The following CELSR1 variants were observed in gnomAD, a reference collection of about 807,000 sequenced individuals.
The protein encoded by CELSR1 is cadherin EGF LAG seven-pass G-type receptor 1.
Under a neutral mutation model 249.1 loss-of-function variants are expected in CELSR1, and 110 were observed. The observed-to-expected ratio is 0.44, with a 90% CI of 0.38 to 0.52. The LOEUF (loss-of-function observed/expected upper bound fraction) is 0.52, where lower values mean the gene tolerates loss of function less well. Among genes scored for constraint, CELSR1 ranks in the 20% least tolerant of loss-of-function variants. CELSR1 has a pLI of 0.00. For synonymous variants in CELSR1, 2,113 were observed against 1,900.0 expected (o/e 1.11, Z -2.92); for missense variants, 4,109 against 4,296.4 (o/e 0.96, Z 1.22).
Position 46,448,563 on chromosome 22 carries a change from A to G in CELSR1, c.4184-9152T>C, listed in dbSNP as rs2079847110. 1 of 441,588 alleles carries G rather than the reference A, an allele frequency of 2.3e-6. No individual in the cohort carries two copies. Among genetic ancestry groups the G allele is most frequent in the Middle Eastern group, 3.3e-4 (1 of 3,000 alleles). 27.4% of individuals were successfully genotyped at this position (441,588 alleles called of 1,614,324 possible). On this transcript the variant is annotated intron_variant, in intron 2 of 34. Coordinates refer to ENST00000674500, the MANE Select transcript of CELSR1 (RefSeq NM_001378328.1). The surrounding 1 kb of genome is among the most constrained non-coding windows in gnomAD (Gnocchi z 5.7). ...AAGACAATTCCTTTCTGGTCCTAAG[A>G]AACAGCTAAGAGCTTTGAACTAGAA...
At chr22:46,459,103 T>C (rs1322740923) in intron 2 of CELSR1, among the ~76,000 whole-genome samples, 2 of 152,138 alleles carry the variant, frequency 1.3e-5, no homozygotes, top group South Asian at 2.1e-4. Flanking sequence ...TTGGCCAGGA[T>C]GGTCTCAATC....
rs528025271 is a variant in CELSR1 at position 46,481,387 on chromosome 22, A to C, written c.3545-17042T>G. On this transcript the variant is annotated intron_variant, in intron 1 of 34. Coordinates refer to ENST00000674500, the MANE Select transcript of CELSR1 (RefSeq NM_001378328.1). ...CTCGGTCATAGTTGGGAGCAGGTGC[A>C]TGTGGTCATCCACACACTTGGTCAC... The C allele has an allele frequency of 3.9e-4, 402 of 1,042,960 alleles. 1 individual carries two copies. The Middle Eastern group carries it at 6.2e-3, about 16-fold the overall frequency. 64.6% of individuals were successfully genotyped at this position (1,042,960 alleles called of 1,614,324 possible). A position where few individuals can be genotyped will look rare whatever the true frequency, so the allele number is the denominator to read the frequency against.
In CELSR1 at chr22:46,441,886, C is replaced by T. The variant is rs1329698881; in HGVS notation, c.4184-2475G>A. ...AAAATAAAGAGATCACGGTGGCTCA[C>T]GCCTGTAACCCCAGCACTTGGGGAG... On this transcript the variant is annotated intron_variant, in intron 2 of 34. Transcript: ENST00000674500. The surrounding 1 kb of genome is among the most constrained non-coding windows in gnomAD (Gnocchi z 6.1). 6.6e-6 allele frequency among the ~76,000 whole-genome samples: 1 copy of T among 152,220 alleles called. No homozygotes were observed. Among genetic ancestry groups the T allele is most frequent in the Non-Finnish European group, 1.5e-5 (1 of 68,050 alleles).
rs1354153982 is a variant in CELSR1 at position 46,512,142 on chromosome 22, C to T, written c.3544+21485G>A. ...CTCAGTGTGGCAAACACAGCAGCAG[C>T]AAGAGTGACGGCGGCGCTCATAAGC... On this transcript the variant is annotated intron_variant, in intron 1 of 34. Transcript: ENST00000674500. The surrounding 1 kb of genome is among the most constrained non-coding windows in gnomAD (Gnocchi z 5.2). 2.0e-5 allele frequency among the ~76,000 whole-genome samples: 3 copies of T among 152,218 alleles called. No individual in the cohort carries two copies. Among genetic ancestry groups the T allele is most frequent in the African/African-American group, 7.2e-5 (3 of 41,454 alleles).
rs2080163282 is a variant in CELSR1, at chr22:46,472,252, A to T, written c.3545-7907T>A. 6.6e-6 allele frequency among the ~76,000 whole-genome samples: 1 copy of T among 152,196 alleles called. No homozygotes were observed. The highest frequency in any genetic ancestry group is 2.4e-5 in the African/African-American group (1 of 41,462). ...ATGGGAAGGAACTTTCTGGGTCTTCATGGAGGTTGGGACCTGTCCAGTCCC... is the reference window on the plus strand; with the variant it reads ...ATGGGAAGGAACTTTCTGGGTCTTCTTGGAGGTTGGGACCTGTCCAGTCCC... On this transcript the variant is annotated intron_variant, in intron 1 of 34. Transcript: ENST00000674500. The surrounding 1 kb of genome is among the most constrained non-coding windows in gnomAD (Gnocchi z 7.0).
At chr22:46,509,340 T>A (rs2080548824) in intron 1 of CELSR1, among the ~76,000 whole-genome samples, 1 of 151,734 alleles carries the variant, frequency 6.6e-6, no homozygotes, top group South Asian at 2.1e-4. Flanking sequence ...GCAGAGGGGG[T>A]GATGGGTACC....
rs916029307 is a variant in CELSR1 at position 46,411,315 on chromosome 22, C to A, written c.4769+287G>T. Among the ~76,000 whole-genome samples the A allele has an allele frequency of 6.6e-6, 1 of 152,180 alleles. No homozygotes were observed. ...GTACCAGAATTTGCGGGGACAAAGC[C>A]AGTGATCCGTGGAGATGGGGCTGGA... is the stretch of plus-strand genomic sequence containing the variant. On this transcript the variant is annotated intron_variant, in intron 6 of 34. Transcript: ENST00000674500. This position sits in a 1 kb window ranked among gnomAD's most constrained non-coding sequence, Gnocchi z 4.2.
chr22:46,368,006 C>G, intron 27 of CELSR1, 151 bp from the exon 28 acceptor site: 1 of 1,117,474 alleles, frequency 8.9e-7, no homozygotes, highest in Non-Finnish European at 1.3e-6. Context: ...CACCTTGCTC[C>G]CTTCCTCCCC....
intron 32 of CELSR1, 75 bp from the exon 33 acceptor site, chr22:46,364,811 G>A (rs2078748801): frequency 7.1e-7 from 1 of 1,410,612 alleles, no homozygotes; most frequent in Non-Finnish European, 9.6e-7. Flanking sequence ...CATGGGTCTG[G>A]TGGCTCTGAC....
chr22:46,384,799 T>C (rs768610055), intron 19 of CELSR1, 113 bp from the exon 20 acceptor site: 1 of 1,223,580 alleles, frequency 8.2e-7, no homozygotes, highest in Non-Finnish European at 1.1e-6. Flanking sequence ...TATTTATTTA[T>C]TTATTTTTGA....
chr22:46,363,907 T>A lies in CELSR1; in HGVS notation c.9035+89A>T, dbSNP rs546005243. 1.4e-6 allele frequency: 2 copies of A among 1,429,442 alleles called. No homozygotes were observed. The highest frequency in any genetic ancestry group is 5.1e-5 in the East Asian group (2 of 39,338). 88.5% of individuals were successfully genotyped at this position (1,429,442 alleles called of 1,614,324 possible). A position where few individuals can be genotyped will look rare whatever the true frequency, so the allele number is the denominator to read the frequency against. ...CTCAGGGCTCCAGGTGAGGTGGGTG[T>A]CAGGTCCCTGACCACTGCCCCCTCT... On this transcript the variant is annotated intron_variant, in intron 34 of 34. Transcript: ENST00000674500. This position sits in a 1 kb window ranked among gnomAD's most constrained non-coding sequence, Gnocchi z 4.3.
At chr22:46,451,195 G>T (rs2079880080) in intron 2 of CELSR1, among the ~76,000 whole-genome samples, 1 of 152,046 alleles carries the variant, frequency 6.6e-6, no homozygotes, top group Admixed American at 6.5e-5. Flanking sequence ...CCTACAGGCG[G>T]CCCAGCCCTG....
intron 1 of CELSR1, among the ~76,000 whole-genome samples, chr22:46,509,239 A>G (rs2147760609): frequency 6.6e-6 from 1 of 152,262 alleles, no homozygotes; most frequent in South Asian, 2.1e-4. Flanking sequence ...GGGGGTGCAG[A>G]CCTGCAAAGC....
rs200966660 is a variant in CELSR1, at chr22:46,486,547, C to CA, written c.3545-22203dup. 7.8e-3 allele frequency among the ~76,000 whole-genome samples: 1,124 copies of CA among 144,258 alleles called. 8 individuals carry two copies. Among genetic ancestry groups the CA allele is most frequent in the Non-Finnish European group, 0.011 (719 of 66,080 alleles). 94.6% of individuals were successfully genotyped at this position (144,258 alleles called of 152,430 possible). On this transcript the variant is annotated intron_variant, in intron 1 of 34. Coordinates refer to ENST00000674500, the MANE Select transcript of CELSR1 (RefSeq NM_001378328.1). The stretch of plus-strand genomic sequence containing the variant: ...TGGGCGACAGACTGAGACTCTGTCT[C>CA]AAAAAAAAATAAAGGCTGGACGCAG...
At chr22:46,379,072 G>A (rs2078949756) in intron 22 of CELSR1, among the ~76,000 whole-genome samples, 1 of 152,226 alleles carries the variant, frequency 6.6e-6, no homozygotes, top group Non-Finnish European at 1.5e-5. Flanking sequence ...ACTCAAATGG[G>A]GCTGTCTCGC....
Position 46,433,454 on chromosome 22 carries a change from T to G in CELSR1, c.4550A>C (p.Lys1517Thr), listed in dbSNP as rs2079619992. 1.2e-6 allele frequency: 2 copies of G among 1,613,892 alleles called. No individual in the cohort carries two copies. ...CCCGTCACTCACACCACTGGGAACC[T>G]TCGGTGCCACGGTCGTTGTTGTCTC... The part of the protein sequence containing the change: ...AGETTTTVAP[K>T]VPSGVSDGRW... Residue 1517 changes from lysine to threonine, a missense_variant, in exon 5 of 35, where the codon AAG becomes ACG. Around this residue, in one of 7 missense-constraint regions of CELSR1, gnomAD observed 453 missense variants for 492.0 expected, o/e 0.92. Transcript: ENST00000674500. This position sits in a 1 kb window ranked among gnomAD's most constrained non-coding sequence, Gnocchi z 5.7.
At position 46,436,518 on chromosome 22, in the gene CELSR1, C is replaced by T. The variant is rs550106391; in HGVS notation, c.4407-229G>A. Among the ~76,000 whole-genome samples the T allele has an allele frequency of 3.3e-5, 5 of 152,318 alleles. No individual in the cohort carries two copies. The highest frequency in any genetic ancestry group is 3.4e-3 in the Middle Eastern group (1 of 294). On this transcript the variant is annotated intron_variant, in intron 3 of 34. Coordinates refer to ENST00000674500, the MANE Select transcript of CELSR1 (RefSeq NM_001378328.1). The surrounding 1 kb of genome is among the most constrained non-coding windows in gnomAD (Gnocchi z 5.9). ...GAATCCATGGGGAGTCTGGTTACTACGGCCTGTAGAATGCAAAAAATATCC... is the reference window on the plus strand; with the variant it reads ...GAATCCATGGGGAGTCTGGTTACTATGGCCTGTAGAATGCAAAAAATATCC...
chr22:46,521,501 T>C (rs1040906568), intron 1 of CELSR1, among the ~76,000 whole-genome samples: 1 of 144,238 alleles, frequency 6.9e-6, no homozygotes, highest in Non-Finnish European at 1.5e-5. Context: ...CAAGACTCCA[T>C]CTCAAAAAAA....
rs769547189 is a variant in CELSR1 at position 46,394,198 on chromosome 22, C to T, written c.5908G>A (p.Val1970Ile). 12 of 1,613,906 alleles carry T rather than the reference C, an allele frequency of 7.4e-6. No homozygotes were observed. Among genetic ancestry groups the T allele is most frequent in the African/African-American group, 6.7e-5 (5 of 74,932 alleles). ...CAGTCGGGATCAAAGCCTTTGCTGA[C>T]GGCACAGTGGCAGGGTCCACAGACG... ...NPVCGPCHCA[V>I]SKGFDPDCNK... Residue 1970 changes from valine (V) to isoleucine (I), a missense_variant, in exon 14 of 35, where the codon GTC becomes ATC. Coordinates refer to ENST00000674500, the MANE Select transcript of CELSR1 (RefSeq NM_001378328.1).
Sources: allele counts gnomAD v4.1 joint callset (sites outside exome capture counted in the v4.1 genomes callset), GRCh38; gene constraint gnomAD v4.1.1; regional missense constraint gnomAD v4.1.1; non-coding constraint Gnocchi (gnomAD v3.1); transcripts MANE v1.5; gene names NCBI Gene and HGNC (gene_info 2026-07-23, HGNC 2026-07-21).